Variants in PABPC4L observed in about 807,000 individuals in gnomAD.
PABPC4L encodes poly(A) binding protein cytoplasmic 4 like.
For missense variants in PABPC4L, 452 were observed against 451.4 expected, an observed-to-expected ratio of 1.00 and a Z score of -0.01; for synonymous variants, 169 against 164.1, an observed-to-expected ratio of 1.03 and a Z score of -0.23.
chr4:134,046,563 C>T, the PABPC4L span, among the ~76,000 whole-genome samples: 124,543 of 151,908 alleles, frequency 0.82, 51,593 homozygotes, highest in East Asian at 1. Context: ...GCACAGACCC[C>T]TTACGGGTAT....
chr4:134,048,541 T>C, the PABPC4L span, among the ~76,000 whole-genome samples: 2 of 152,146 alleles, frequency 1.3e-5, no homozygotes, highest in African/African-American at 2.4e-5. Flanking sequence ...CTCTATAGTA[T>C]ATCACATTTA....
At chr4:134,176,938 C>A in the PABPC4L span, among the ~76,000 whole-genome samples, 1 of 152,098 alleles carries the variant, frequency 6.6e-6, no homozygotes, top group Non-Finnish European at 1.5e-5. Context: ...ACTTTACAAG[C>A]CTTGAGCCCT....
the PABPC4L span, among the ~76,000 whole-genome samples, chr4:134,050,608 G>A: frequency 6.7e-6 from 1 of 149,240 alleles, no homozygotes; most frequent in African/African-American, 2.5e-5. Flanking sequence ...GGGAGGCTGA[G>A]GCAGGAGAAT....
the PABPC4L span, among the ~76,000 whole-genome samples, chr4:134,029,099 ATAAT>A: frequency 6.6e-6 from 1 of 152,176 alleles, no homozygotes; most frequent in East Asian, 1.9e-4. Flanking sequence ...TTCAGATATA[ATAAT>A]TAAACAGCAA....
chr4:134,122,818 T>A, the PABPC4L span, among the ~76,000 whole-genome samples: 2 of 151,996 alleles, frequency 1.3e-5, no homozygotes, highest in Non-Finnish European at 2.9e-5. Flanking sequence ...CTTCTACTTA[T>A]GTATTGATGA....
the PABPC4L span, among the ~76,000 whole-genome samples, chr4:134,133,921 T>A: frequency 6.6e-6 from 1 of 152,162 alleles, no homozygotes; most frequent in East Asian, 1.9e-4. Flanking sequence ...ATTAAGGTTG[T>A]CAAACTGATT....
chr4:134,126,848 T>G, the PABPC4L span, among the ~76,000 whole-genome samples: 1 of 152,102 alleles, frequency 6.6e-6, no homozygotes, highest in Non-Finnish European at 1.5e-5. Flanking sequence ...GTGGGACTGC[T>G]TTCTAAGATG....
chr4:134,078,844 T>C, the PABPC4L span, among the ~76,000 whole-genome samples: 1 of 151,412 alleles, frequency 6.6e-6, no homozygotes, highest in East Asian at 1.9e-4. Context: ...TTTTCTTTTT[T>C]TTTAGTCGAG....
the PABPC4L span, among the ~76,000 whole-genome samples, chr4:134,041,460 A>G: frequency 6.6e-6 from 1 of 152,114 alleles, no homozygotes; most frequent in Non-Finnish European, 1.5e-5. Context: ...CATAATTCTC[A>G]GCAAACTAAC....
the PABPC4L span, among the ~76,000 whole-genome samples, chr4:133,989,934 G>C: frequency 1.1e-4 from 17 of 152,260 alleles, no homozygotes; most frequent in African/African-American, 3.8e-4. Flanking sequence ...TAGCAAAGCA[G>C]AGCACAAAGT....
At chr4:134,039,374 A>G in the PABPC4L span, among the ~76,000 whole-genome samples, 1 of 151,988 alleles carries the variant, frequency 6.6e-6, no homozygotes, top group Non-Finnish European at 1.5e-5. Flanking sequence ...GTTCTGAATA[A>G]CATTGTTAAT....
At chr4:134,174,192 T>C in the PABPC4L span, among the ~76,000 whole-genome samples, 1 of 152,194 alleles carries the variant, frequency 6.6e-6, no homozygotes, top group South Asian at 2.1e-4. Flanking sequence ...TCTCATCTCA[T>C]ATCTCATCAA....
At chr4:134,147,195 A>C in the PABPC4L span, among the ~76,000 whole-genome samples, 1 of 152,064 alleles carries the variant, frequency 6.6e-6, no homozygotes, top group African/African-American at 2.4e-5. Flanking sequence ...GAAAGCAACA[A>C]CTCATAGTTT....
At chr4:134,134,075 A>G in the PABPC4L span, among the ~76,000 whole-genome samples, 1 of 152,072 alleles carries the variant, frequency 6.6e-6, no homozygotes, top group Non-Finnish European at 1.5e-5. Flanking sequence ...CAACAATATA[A>G]AAGTATTGGA....
the PABPC4L span, among the ~76,000 whole-genome samples, chr4:133,958,164 C>T: frequency 6.6e-6 from 1 of 152,156 alleles, no homozygotes; most frequent in South Asian, 2.1e-4. Flanking sequence ...CTCTGCTTCC[C>T]TTCTAAACAT....
At chr4:134,064,291 G>T in the PABPC4L span, among the ~76,000 whole-genome samples, 6 of 152,110 alleles carry the variant, frequency 3.9e-5, no homozygotes, top group African/African-American at 1.4e-4. Flanking sequence ...TAGGATTTAT[G>T]AAATTTGAGA....
chr4:134,176,745 A>T, the PABPC4L span, among the ~76,000 whole-genome samples: 1 of 152,050 alleles, frequency 6.6e-6, no homozygotes, highest in Non-Finnish European at 1.5e-5. Flanking sequence ...AAGCCAGGAG[A>T]ACCTCTCTGA....
At chr4:134,138,013 C>T in the PABPC4L span, among the ~76,000 whole-genome samples, 263 of 151,626 alleles carry the variant, frequency 1.7e-3, 1 homozygote, top group African/African-American at 6.0e-3. Context: ...AGTATTTTTC[C>T]ATTTATTTAT....
At chr4:134,124,080 T>C in the PABPC4L span, among the ~76,000 whole-genome samples, 2 of 152,124 alleles carry the variant, frequency 1.3e-5, no homozygotes, top group Non-Finnish European at 2.9e-5. Flanking sequence ...GGGGTAATTC[T>C]ATGGTTGACC....
Sources: allele counts gnomAD v4.1 joint callset (sites outside exome capture counted in the v4.1 genomes callset), GRCh38; gene constraint gnomAD v4.1.1; transcripts MANE v1.5; gene names NCBI Gene and HGNC (gene_info 2026-07-23, HGNC 2026-07-21).